Variants in BRCA1 observed in about 807,000 individuals in gnomAD.
BRCA1 encodes the protein breast cancer type 1 susceptibility protein.
Under a neutral mutation model 173.7 loss-of-function variants are expected in BRCA1, and 140 were observed. The observed-to-expected ratio is 0.81, with a 90% confidence interval of 0.70 to 0.93. BRCA1 has a LOEUF of 0.93. Ranked by LOEUF, BRCA1 falls within the 40% of genes least tolerant of loss-of-function variation. BRCA1 has a pLI of 0.00. For missense variants in BRCA1, 1,983 were observed against 2,172.5 expected (o/e 0.91, Z 1.73); for synonymous variants, 662 against 756.0 (o/e 0.88, Z 2.04).
chr17:43,113,126 C>T (rs1031943068), intron 3 of BRCA1, among the ~76,000 whole-genome samples: 1 of 151,712 alleles, frequency 6.6e-6, no homozygotes, highest in Non-Finnish European at 1.5e-5. Context: ...TTACCTCCAA[C>T]TTCACTGGGC....
chr17:43,099,340 G>A (rs1055454024), intron 7 of BRCA1, among the ~76,000 whole-genome samples: 2 of 150,330 alleles, frequency 1.3e-5, no homozygotes, highest in Admixed American at 6.6e-5. Flanking sequence ...GTGCGATCTC[G>A]GTTCACCGCA....
Position 43,063,925 on chromosome 17 carries a change from G to T in BRCA1, c.5101C>A (p.Leu1701Met), listed in dbSNP as rs910555398. The T allele has an allele frequency of 6.2e-7, 1 of 1,613,946 alleles. No homozygotes were observed. The highest frequency in any genetic ancestry group is 1.3e-5 in the African/African-American group (1 of 74,910). Residue 1701 changes from leucine to methionine, a missense_variant, in exon 17 of 23, where the codon CTG (leucine) becomes ATG (methionine). Physicochemically the swap from Leu to Met is conservative, Grantham distance 15. Coordinates refer to ENST00000357654, the MANE Select transcript of BRCA1 (RefSeq NM_007294.4). ...TDAEFVCERT[L>M]KYFLGIAGGK... Reference sequence around the variant, plus strand: ...CCCGCAATTCCTAGAAAATATTTCAGTGTCCGTTCACACACAAACTCAGCA... The same window carrying T: ...CCCGCAATTCCTAGAAAATATTTCATTGTCCGTTCACACACAAACTCAGCA...
At chr17:43,149,265 GTTTTTT>G (rs57452879) in intron 1 of BRCA1, among the ~76,000 whole-genome samples, 1 of 116,926 alleles carries the variant, frequency 8.6e-6, no homozygotes, top group Non-Finnish European at 1.9e-5. Context: ...CACCGGGCTA[GTTTTTT>G]TTTTTTTTTT....
Position 43,045,488 on chromosome 17 carries a change from A to C in BRCA1, c.*190T>G. 1 of 902,226 alleles carries C rather than the reference A, an allele frequency of 1.1e-6. No homozygotes were observed. The highest frequency in any genetic ancestry group is 1.8e-6 in the Non-Finnish European group (1 of 563,208). The allele number at this position is 902,226 out of a possible 1,614,324, so 55.9% of individuals were successfully genotyped here. A position where few individuals can be genotyped will look rare whatever the true frequency, so the allele number is the denominator to read the frequency against. ...TGCTCATGGCAGATTTCCAAGGGAG[A>C]CTTCAAGCAGAAAATCTTTAAGGGA... On this transcript the variant is annotated 3_prime_UTR_variant, in exon 23 of 23. Transcript: ENST00000357654.
chr17:43,141,586 G>A (rs1178396469), intron 1 of BRCA1, among the ~76,000 whole-genome samples: 1 of 151,908 alleles, frequency 6.6e-6, no homozygotes, highest in Non-Finnish European at 1.5e-5. Flanking sequence ...AGGCTGAGGC[G>A]GGCGGATCAC....
At chr17:43,100,633 T>C (rs799926) in intron 6 of BRCA1, among the ~76,000 whole-genome samples, 3,599 of 52,032 alleles carry the variant, frequency 0.069, 388 homozygotes, top group South Asian at 0.14. Flanking sequence ...ATATATATGT[T>C]ATATATATAT....
intron 1 of BRCA1, among the ~76,000 whole-genome samples, chr17:43,144,372 G>C (rs2056102953): frequency 6.6e-6 from 1 of 152,194 alleles, no homozygotes; most frequent in South Asian, 2.1e-4. Context: ...GATCCTATGA[G>C]AGGGGCCAGG....
chr17:43,142,914 TTGTGTG>T (rs369108034), intron 1 of BRCA1, among the ~76,000 whole-genome samples: 4 of 140,706 alleles, frequency 2.8e-5, no homozygotes, highest in Non-Finnish European at 6.2e-5. Flanking sequence ...CGGCTAATTT[TTGTGTG>T]TGTGTGTGTG....
Position 43,106,341 on chromosome 17 carries a change from C to T in BRCA1, c.212+115G>A, listed in dbSNP as rs1158018778. Reference sequence around the variant, plus strand: ...GAAATAATTTACTGTGTGCTAAAAACTCTTTTATAAATTTTTCTGATGAAT... The same window carrying T: ...GAAATAATTTACTGTGTGCTAAAAATTCTTTTATAAATTTTTCTGATGAAT... On this transcript the variant is annotated intron_variant, in intron 4 of 22. Coordinates refer to ENST00000357654, the MANE Select transcript of BRCA1 (RefSeq NM_007294.4). 1.1e-4 allele frequency: 75 copies of T among 700,716 alleles called. 1 individual carries two copies. Among genetic ancestry groups the T allele is most frequent in the South Asian group, 9.4e-4 (50 of 53,368 alleles). 43.4% of individuals were successfully genotyped at this position (700,716 alleles called of 1,614,324 possible).
rs1392795477 is a variant in BRCA1, at chr17:43,074,512, A to G, written c.4494T>C (p.Pro1498=). The part of the protein sequence containing the change: ...NKEPGVERSS[P]SKCPSLDDRW... ...TATCATCTAATGATGGGCATTTAGA[A>G]GGGGATGACCTAGAAAGATAAATGG... The change falls in exon 14 of 23, where the codon CCT becomes CCC. Residue 1498 remains proline (P), a synonymous_variant. Coordinates refer to ENST00000357654, the MANE Select transcript of BRCA1 (RefSeq NM_007294.4). 1.2e-6 allele frequency: 2 copies of G among 1,613,612 alleles called. No homozygotes were observed. The highest frequency in any genetic ancestry group is 1.1e-5 in the South Asian group (1 of 91,072).
Position 43,047,635 on chromosome 17 carries a change from C to A in BRCA1, c.5467+8G>T, listed in dbSNP as rs80358062. The A allele has an allele frequency of 6.2e-7, 1 of 1,614,188 alleles. No homozygotes were observed. The highest frequency in any genetic ancestry group is 2.2e-5 in the East Asian group (1 of 44,892). On this transcript the variant is annotated splice_region_variant and intron_variant, in intron 22 of 22. Coordinates refer to ENST00000357654, the MANE Select transcript of BRCA1 (RefSeq NM_007294.4). ...CCCATATAGCACAGGTACATGCAGG[C>A]ACCTTACCATGGAAGCCATTGTCCT... is the stretch of plus-strand genomic sequence containing the variant.
chr17:43,088,314 C>G (rs2053309186), intron 11 of BRCA1, among the ~76,000 whole-genome samples: 1 of 152,086 alleles, frequency 6.6e-6, no homozygotes, highest in Non-Finnish European at 1.5e-5. Context: ...TCCCCATTTC[C>G]CCCTCCCCAA....
At position 43,096,380 on chromosome 17, in the gene BRCA1, A is replaced by G. The variant is rs537806106; in HGVS notation, c.594-458T>C. ...CAACAGAGCAAGACTCTGTCTCAAA[A>G]AAAAAAAAAAAAAAGAGAGAAAGAA... On this transcript the variant is annotated intron_variant, in intron 8 of 22. Coordinates refer to ENST00000357654, the MANE Select transcript of BRCA1 (RefSeq NM_007294.4). 3.1e-3 allele frequency among the ~76,000 whole-genome samples: 460 copies of G among 149,988 alleles called. 3 individuals carry two copies. The highest frequency in any genetic ancestry group is 0.01 in the African/African-American group (427 of 40,954).
At chr17:43,061,713 G>C (rs973071717) in intron 18 of BRCA1, among the ~76,000 whole-genome samples, 1 of 151,904 alleles carries the variant, frequency 6.6e-6, no homozygotes, top group Non-Finnish European at 1.5e-5. Context: ...CTCCCCAGCA[G>C]CTAGGATTAC....
rs569040435 is a variant in BRCA1 at position 43,067,802 on chromosome 17, C to T, written c.4987-107G>A. 125 of 759,594 alleles carry T rather than the reference C, an allele frequency of 1.6e-4. 2 individuals carry two copies. Among genetic ancestry groups the T allele is most frequent in the South Asian group, 1.5e-3 (108 of 70,060 alleles). The allele number at this position is 759,594 out of a possible 1,614,324, so 47.1% of individuals were successfully genotyped here. The stretch of plus-strand genomic sequence containing the variant: ...TGTTTACCTATGTAGCAATCCTGCA[C>T]GTTCTACACGTGTCCTGGAACTATT... On this transcript the variant is annotated intron_variant, in intron 15 of 22. Coordinates refer to ENST00000357654, the MANE Select transcript of BRCA1 (RefSeq NM_007294.4).
Position 43,115,795 on chromosome 17 carries a change from G to T in BRCA1, c.81-16C>A, listed in dbSNP as rs1057520829. 1.2e-6 allele frequency: 2 copies of T among 1,608,594 alleles called. No individual in the cohort carries two copies. Among genetic ancestry groups the T allele is most frequent in the East Asian group, 2.2e-5 (1 of 44,794 alleles). ...CAACTCCAGACTAGCAGGGTAGGGG[G>T]GGAGAAAAAGAAAATAAATGAGGCT... On this transcript the variant is annotated splice_polypyrimidine_tract_variant and intron_variant, in intron 2 of 22. Transcript: ENST00000357654.
chr17:43,084,997 A>G (rs2053172291), intron 11 of BRCA1, among the ~76,000 whole-genome samples: 2 of 152,198 alleles, frequency 1.3e-5, no homozygotes, highest in Non-Finnish European at 2.9e-5. Context: ...ATTATTTTTT[A>G]TAACTTAGAC....
chr17:43,045,814 G>A lies in BRCA1; in HGVS notation c.5468-12C>T, dbSNP rs751653743. ...CATCTGCCCAATTGCTGGAGACAGA[G>A]AACACAAGCAGAGATTAGTGTCAAT... On this transcript the variant is annotated splice_polypyrimidine_tract_variant and intron_variant, in intron 22 of 22. Transcript: ENST00000357654. The A allele has an allele frequency of 6.2e-7, 1 of 1,610,040 alleles. No homozygotes were observed. The highest frequency in any genetic ancestry group is 1.7e-5 in the Admixed American group (1 of 59,848).
chr17:43,063,375 T>C lies in BRCA1; in HGVS notation c.5153-2A>G, dbSNP rs786202545. The C allele has an allele frequency of 6.2e-7, 1 of 1,611,078 alleles. No homozygotes were observed. The highest frequency in any genetic ancestry group is 1.1e-5 in the South Asian group (1 of 91,002). ...TTTCTTTAATAGACTGGGTCACCCC[T>C]AAAGAGATCATAGAAAAGACAGGTT... On this transcript the variant is annotated splice_acceptor_variant, in intron 17 of 22. Coordinates refer to ENST00000357654, the MANE Select transcript of BRCA1 (RefSeq NM_007294.4). LOFTEE classifies it high-confidence loss of function.
Sources: gnomAD v4.1 joint callset for allele counts (sites outside exome capture counted in the v4.1 genomes callset) on GRCh38, gnomAD v4.1.1 for gene constraint, MANE v1.5 for transcripts, NCBI Gene and HGNC (gene_info 2026-07-23, HGNC 2026-07-21) for gene names.